ADAM32: variants seen among roughly 807,000 people sequenced by gnomAD.
ADAM32 encodes the protein ADAM metallopeptidase domain 32, also known as disintegrin and metalloproteinase domain-containing protein 32.
In ADAM32, 89 loss-of-function variants were observed where a neutral mutation model predicts 114.9. The observed-to-expected ratio is 0.77, with a 90% CI of 0.65 to 0.92. The LOEUF is 0.92. Ranked by LOEUF, ADAM32 falls within the 40% of genes least tolerant of loss-of-function variation. ADAM32 has a pLI of 0.00. For synonymous variants in ADAM32, 285 were observed against 307.5 expected (o/e 0.93, Z 0.77); for missense variants, 870 against 932.8 (o/e 0.93, Z 0.88).
intron 17 of ADAM32, among the ~76,000 whole-genome samples, chr8:39,254,138 T>C (rs1283948614): frequency 6.6e-6 from 1 of 151,626 alleles, no homozygotes; most frequent in Non-Finnish European, 1.5e-5. Context: ...AGTATGCATT[T>C]TTGAAATTGC....
At chr8:39,134,026 A>C (rs1183152075) in intron 2 of ADAM32, among the ~76,000 whole-genome samples, 1 of 152,116 alleles carries the variant, frequency 6.6e-6, no homozygotes, top group African/African-American at 2.4e-5. Flanking sequence ...AATGTGCTAC[A>C]TCGCCCCTTC....
chr8:39,284,741 G>A, intron 24 of ADAM32, 52 bp from the exon 25 acceptor site: 2 of 1,607,584 alleles, frequency 1.2e-6, no homozygotes, highest in Non-Finnish European at 1.7e-6. Flanking sequence ...TACAGTGGGA[G>A]GGAATTTGCT....
At chr8:39,155,621 G>T (rs930993890) in intron 6 of ADAM32, among the ~76,000 whole-genome samples, 1 of 152,184 alleles carries the variant, frequency 6.6e-6, no homozygotes, top group South Asian at 2.1e-4. Context: ...TTCAGGAAAA[G>T]AGATGTCTAA....
At chr8:39,239,693 A>T (rs556685735) in intron 16 of ADAM32, among the ~76,000 whole-genome samples, 1 of 152,232 alleles carries the variant, frequency 6.6e-6, no homozygotes. Flanking sequence ...CACCTAACAC[A>T]TAAGGATTCA....
intron 16 of ADAM32, among the ~76,000 whole-genome samples, chr8:39,239,089 CAAG>C (rs917262860): frequency 2.6e-5 from 4 of 152,022 alleles, no homozygotes; most frequent in Non-Finnish European, 5.9e-5. Context: ...AAATTTATCA[CAAG>C]AAGATCATCA....
At chr8:39,170,921 A>G (rs546446648) in intron 10 of ADAM32, among the ~76,000 whole-genome samples, 12 of 152,138 alleles carry the variant, frequency 7.9e-5, no homozygotes, top group African/African-American at 2.9e-4. Context: ...AGTCAGGTAG[A>G]AGGAATAAGT....
intron 22 of ADAM32, among the ~76,000 whole-genome samples, chr8:39,276,720 C>G (rs1347232570): frequency 6.6e-6 from 1 of 152,078 alleles, no homozygotes; most frequent in Non-Finnish European, 1.5e-5. Context: ...TTTTTCCTTA[C>G]AGTGGCACGT....
intron 10 of ADAM32, among the ~76,000 whole-genome samples, chr8:39,176,807 T>C (rs1805559843): frequency 6.6e-6 from 1 of 152,142 alleles, no homozygotes; most frequent in African/African-American, 2.4e-5. Context: ...CCCACTATTA[T>C]TGTGTGGGAG....
At chr8:39,124,798 C>T (rs1351470249) in intron 2 of ADAM32, among the ~76,000 whole-genome samples, 3 of 152,106 alleles carry the variant, frequency 2.0e-5, no homozygotes, top group Non-Finnish European at 4.4e-5. Context: ...AATACTGCTG[C>T]AATAAACATA....
chr8:39,155,672 C>G (rs1216692134), intron 6 of ADAM32, among the ~76,000 whole-genome samples: 1 of 151,928 alleles, frequency 6.6e-6, no homozygotes, highest in African/African-American at 2.4e-5. Context: ...CTCACTGCAA[C>G]CTCTGCCTCC....
chr8:39,243,554 A>G (rs769286912), intron 16 of ADAM32, among the ~76,000 whole-genome samples: 1 of 152,200 alleles, frequency 6.6e-6, no homozygotes, highest in Non-Finnish European at 1.5e-5. Flanking sequence ...ATAGACACAG[A>G]AAAAGCATTT....
At chr8:39,216,518 A>G (rs1016756673) in intron 12 of ADAM32, among the ~76,000 whole-genome samples, 1 of 139,356 alleles carries the variant, frequency 7.2e-6, no homozygotes, top group Non-Finnish European at 1.6e-5. Context: ...TGTTTCCTTC[A>G]TCTTCCTCTT....
At chr8:39,167,508 C>A (rs1804914288) in intron 9 of ADAM32, 1 of 151,962 alleles carries the variant, frequency 6.6e-6, no homozygotes, top group Non-Finnish European at 1.5e-5. Flanking sequence ...TTTGCTTAGT[C>A]TTGCTTTGGC....
intron 5 of ADAM32, among the ~76,000 whole-genome samples, 194 bp downstream of exon 5, chr8:39,150,061 C>G (rs1033358750): frequency 6.6e-6 from 1 of 152,076 alleles, no homozygotes; most frequent in African/African-American, 2.4e-5. Flanking sequence ...CATTTCTAAC[C>G]TTTTCAAAGG....
intron 9 of ADAM32, chr8:39,167,335 T>C (rs987979415): frequency 1.3e-5 from 2 of 152,136 alleles, no homozygotes; most frequent in Admixed American, 1.3e-4. Flanking sequence ...TTTGCTTTGC[T>C]GAAGATCAGT....
intron 12 of ADAM32, among the ~76,000 whole-genome samples, chr8:39,217,868 T>C (rs1808696983): frequency 6.6e-6 from 1 of 152,254 alleles, no homozygotes; most frequent in South Asian, 2.1e-4. Flanking sequence ...TGGTCCTTGA[T>C]GTCTTATTTA....
intron 10 of ADAM32, among the ~76,000 whole-genome samples, chr8:39,184,929 G>A (rs1407825639): frequency 1.3e-5 from 2 of 152,138 alleles, no homozygotes; most frequent in Non-Finnish European, 2.9e-5. Context: ...CCTTGTCTCA[G>A]TTAAGCTGTG....
At chr8:39,123,187 A>G (rs1198715451) in intron 2 of ADAM32, among the ~76,000 whole-genome samples, 1 of 151,760 alleles carries the variant, frequency 6.6e-6, no homozygotes, top group Non-Finnish European at 1.5e-5. Flanking sequence ...CTGGACTTTC[A>G]TGTCTTTGCC....
At chr8:39,275,671 A>G (rs568302026) in intron 21 of ADAM32, among the ~76,000 whole-genome samples, 157 bp from the exon 22 acceptor site, 1 of 152,364 alleles carries the variant, frequency 6.6e-6, no homozygotes, top group East Asian at 1.9e-4. Flanking sequence ...TTGTTTGCAT[A>G]TGCTAATTTA....
Sources: allele counts gnomAD v4.1 joint callset (sites outside exome capture counted in the v4.1 genomes callset), GRCh38; gene constraint gnomAD v4.1.1; transcripts MANE v1.5; gene names NCBI Gene and HGNC (gene_info 2026-07-23, HGNC 2026-07-21).